The following TJP2 variants were observed in gnomAD, a reference collection of about 807,000 sequenced individuals.
TJP2 encodes tight junction protein 2.
A neutral mutation model predicts 133.1 loss-of-function variants in TJP2; 91 were observed. The observed-to-expected ratio is 0.68, with a 90% CI of 0.58 to 0.81. The LOEUF (loss-of-function observed/expected upper bound fraction) is 0.81. TJP2 is among the 40% of genes least tolerant of loss of function. TJP2 has a pLI of 0.00. For synonymous variants in TJP2, 592 were observed against 583.4 expected, an observed-to-expected ratio of 1.01 and a Z score of -0.21; for missense variants, 1,541 against 1,565.6, an observed-to-expected ratio of 0.98 and a Z score of 0.26.
intron 5 of TJP2, among the ~76,000 whole-genome samples, chr9:69,222,452 C>T (rs1050704493): frequency 6.6e-6 from 1 of 152,150 alleles, no homozygotes; most frequent in Non-Finnish European, 1.5e-5. Flanking sequence ...AGGTGTGAGC[C>T]ACCGCATCTG....
At chr9:69,251,614 G>T (rs1206874210) in intron 21 of TJP2, among the ~76,000 whole-genome samples, 3 of 152,016 alleles carry the variant, frequency 2.0e-5, no homozygotes, top group Non-Finnish European at 4.4e-5. Context: ...TAGAGTTCTG[G>T]AATGAGGAAG....
At chr9:69,216,497 A>G (rs750957943) in intron 3 of TJP2, 34 bp downstream of exon 3, 2 of 1,613,476 alleles carry the variant, frequency 1.2e-6, no homozygotes, top group Non-Finnish European at 1.7e-6. Flanking sequence ...AGCCCCTACC[A>G]GCCCTACTGG....
At chr9:69,208,893 A>G (rs922030282) in intron 1 of TJP2, among the ~76,000 whole-genome samples, 3 of 152,168 alleles carry the variant, frequency 2.0e-5, no homozygotes, top group African/African-American at 7.2e-5. Context: ...TTATTTTACC[A>G]CAACTTCTAG....
chr9:69,151,827 T>C, intron 2 of TJP2: 2 of 1,231,452 alleles, frequency 1.6e-6, no homozygotes, highest in Admixed American at 8.4e-5. Flanking sequence ...CCAAAATTTG[T>C]TCGAATAGTT....
intron 1 of TJP2, among the ~76,000 whole-genome samples, chr9:69,130,633 G>T (rs1161165502): frequency 2.6e-5 from 4 of 152,126 alleles, no homozygotes; most frequent in Non-Finnish European, 5.9e-5. Context: ...ATGACGGAAG[G>T]GGCCGGGCTT....
intron 2 of TJP2, among the ~76,000 whole-genome samples, chr9:69,157,444 C>T (rs763997596): frequency 3.1e-4 from 46 of 150,182 alleles, no homozygotes; most frequent in Admixed American, 5.3e-4. Context: ...GGCTAGAAGT[C>T]TGAACTCAAG....
chr9:69,166,254 G>C (rs1824351375), intron 2 of TJP2, among the ~76,000 whole-genome samples: 1 of 152,080 alleles, frequency 6.6e-6, no homozygotes, highest in Non-Finnish European at 1.5e-5. Flanking sequence ...GGGACTACAG[G>C]TGTGTACCAC....
In TJP2 at chr9:69,251,147, A is replaced by C. The variant is rs1220682051; in HGVS notation, c.3104A>C (p.Tyr1035Ser). 1 of 1,614,172 alleles carries C rather than the reference A, an allele frequency of 6.2e-7. No individual in the cohort carries two copies. Among genetic ancestry groups the C allele is most frequent in the South Asian group, 1.1e-5 (1 of 91,076 alleles). The change falls in exon 21 of 23, where the codon TAT (tyrosine) becomes TCT (serine). Residue 1035 changes from tyrosine (Y) to serine (S), a missense_variant. Tyr to Ser is a moderately radical substitution (Grantham distance 144). Coordinates refer to ENST00000377245, the MANE Select transcript of TJP2 (RefSeq NM_004817.4). ...ACTCCTGGGGCATCTACCAAAGGTT[A>C]TCCTCCTCCTGTTGCAGCAAAACCT... ...NETPGASTKG[Y>S]PPPVAAKPTF...
chr9:69,216,196 G>A, intron 2 of TJP2, 143 bp from the exon 3 acceptor site: 1 of 1,008,642 alleles, frequency 9.9e-7, no homozygotes, highest in South Asian at 1.4e-5. Context: ...GCTTTGTTTT[G>A]TTTCTCATTT....
intron 17 of TJP2, among the ~76,000 whole-genome samples, chr9:69,241,584 G>A (rs1438792880): frequency 1.3e-5 from 2 of 152,152 alleles, no homozygotes; most frequent in African/African-American, 2.4e-5. Context: ...GGAGGAAGTG[G>A]TCCATCATAA....
chr9:69,144,626 C>T (rs13286409), intron 1 of TJP2, among the ~76,000 whole-genome samples: 10,886 of 152,222 alleles, frequency 0.072, 394 homozygotes, highest in South Asian at 0.086. Context: ...TAAACGATAA[C>T]TGTAATCTCC....
At chr9:69,212,286 GACTCAGC>G (rs1827978155) in intron 1 of TJP2, among the ~76,000 whole-genome samples, 1 of 152,166 alleles carries the variant, frequency 6.6e-6, no homozygotes, top group African/African-American at 2.4e-5. Context: ...ATAATAAAAG[GACTCAGC>G]ACTTAACATT....
At chr9:69,157,042 G>A (rs1823807074) in intron 2 of TJP2, among the ~76,000 whole-genome samples, 1 of 152,146 alleles carries the variant, frequency 6.6e-6, no homozygotes, top group African/African-American at 2.4e-5. Flanking sequence ...TATTGGAGGG[G>A]TATGATGGGG....
chr9:69,163,508 C>T (rs960825395), intron 2 of TJP2, among the ~76,000 whole-genome samples: 33 of 151,948 alleles, frequency 2.2e-4, no homozygotes, highest in Non-Finnish European at 4.1e-4. Context: ...TGGTGGTGCA[C>T]GCCTATGTTC....
chr9:69,140,310 ACT>A (rs1192671581), intron 1 of TJP2, among the ~76,000 whole-genome samples: 1 of 152,150 alleles, frequency 6.6e-6, no homozygotes, highest in East Asian at 1.9e-4. Context: ...TTTAAAAACA[ACT>A]CTATGAGGTA....
chr9:69,205,393 C>CTG, intron 1 of TJP2: 1 of 1,418,326 alleles, frequency 7.1e-7, no homozygotes, highest in Non-Finnish European at 9.3e-7. Context: ...GTTGTAGTCA[C>CTG]TGGTGGGTTT....
intron 1 of TJP2, among the ~76,000 whole-genome samples, chr9:69,146,721 A>G (rs1449985400): frequency 6.6e-4 from 2 of 3,022 alleles, no homozygotes. Flanking sequence ...ACAATTGTCA[A>G]TGTCTGGGGC....
upstream of TJP2, among the ~76,000 whole-genome samples, chr9:69,171,074 A>G (rs1824653525): frequency 6.6e-6 from 1 of 152,188 alleles, no homozygotes. Flanking sequence ...GTCTGTAACT[A>G]AACTCATCAT....
intron 1 of TJP2, among the ~76,000 whole-genome samples, chr9:69,210,285 TCCC>T (rs1160162575): frequency 0.013 from 226 of 17,214 alleles, 8 homozygotes; most frequent in Middle Eastern, 0.062. Flanking sequence ...TGAGACCCCG[TCCC>T]CCCCCCCCCC....
Sources: gnomAD v4.1 joint callset for allele counts (sites outside exome capture counted in the v4.1 genomes callset) on GRCh38, gnomAD v4.1.1 for gene constraint, MANE v1.5 for transcripts, NCBI Gene and HGNC (gene_info 2026-07-23, HGNC 2026-07-21) for gene names.